Variants in UFC1 observed in about 807,000 individuals in gnomAD.
UFC1 encodes the protein ubiquitin-fold modifier conjugating enzyme 1.
Under a neutral mutation model 28.0 loss-of-function variants are expected in UFC1, and 22 were observed. The observed-to-expected ratio is 0.78, with a 90% confidence interval of 0.56 to 1.12. UFC1 has a LOEUF of 1.12. Ranked by LOEUF, UFC1 falls within the 50% of genes most tolerant of loss-of-function variation. The pLI, the probability that UFC1 is intolerant of heterozygous loss-of-function variation, is 0.00. For missense variants in UFC1, 189 were observed against 207.8 expected, an observed-to-expected ratio of 0.91 and a Z score of 0.56; for synonymous variants, 61 against 74.5, an observed-to-expected ratio of 0.82 and a Z score of 0.93.
chr1:161,158,338 T>C, intron 5 of UFC1, 74 bp from the exon 6 acceptor site: 1 of 1,596,978 alleles, frequency 6.3e-7, no homozygotes, highest in Non-Finnish European at 8.6e-7. Context: ...AGAATCTGTC[T>C]CCAGGAAGGA....
In UFC1 at chr1:161,157,654, C is replaced by T. The variant is rs777405918; in HGVS notation, c.293C>T (p.Ala98Val). 11 of 1,613,910 alleles carry T rather than the reference C, an allele frequency of 6.8e-6. No homozygotes were observed. The East Asian group carries it at 2.5e-4, about 36-fold the overall frequency. ...TATCCTACTACTGCCCCAGAAATTG[C>T]AGTTCCTGAGCTGGATGGAAAGACA... ...ITYPTTAPEI[A>V]VPELDGKTAK... is the part of the protein sequence containing the mutation. The change falls in exon 4 of 6, where the codon GCA (alanine) becomes GTA (valine). Residue 98 changes from alanine (A) to valine (V), a missense_variant. Transcript: ENST00000368003.
intron 2 of UFC1, 32 bp from the exon 3 acceptor site, chr1:161,157,222 C>T: frequency 6.2e-7 from 1 of 1,613,812 alleles, no homozygotes; most frequent in Non-Finnish European, 8.5e-7. Flanking sequence ...GAAGAATAGG[C>T]AAATTGGACT....
At chr1:161,158,030 G>A in intron 4 of UFC1, 91 bp from the exon 5 acceptor site, 1 of 1,145,042 alleles carries the variant, frequency 8.7e-7, no homozygotes. Context: ...TCTCAATTCT[G>A]ATCACTAGTA....
Position 161,154,100 on chromosome 1 carries a change from G to C in UFC1, c.103G>C (p.Glu35Gln). 1 of 1,614,086 alleles carries C rather than the reference G, an allele frequency of 6.2e-7. No individual in the cohort carries two copies. The highest frequency in any genetic ancestry group is 8.5e-7 in the Non-Finnish European group (1 of 1,180,026). ...RELWVQRLKE[E>Q]YQSLIRYVEN... ...GTTGTGGGTGCAGCGACTGAAGGAG[G>C]AATATCAGTCCCTTATCCGGGTTAG... Residue 35 changes from glutamate to glutamine, a missense_variant, in exon 1 of 6, where the codon GAA (glutamate) becomes CAA (glutamine). Coordinates refer to ENST00000368003, the MANE Select transcript of UFC1 (RefSeq NM_016406.4).
intron 1 of UFC1, among the ~76,000 whole-genome samples, chr1:161,156,672 T>C (rs1214911397): frequency 2.7e-5 from 4 of 149,482 alleles, no homozygotes; most frequent in Non-Finnish European, 3.0e-5. Flanking sequence ...CAAAACCCCG[T>C]CTCTACTAAA....
At chr1:161,155,629 G>A (rs150520276) in intron 1 of UFC1, among the ~76,000 whole-genome samples, 1 of 152,192 alleles carries the variant, frequency 6.6e-6, no homozygotes, top group African/African-American at 2.4e-5. Flanking sequence ...GAAACAAAAG[G>A]CAATCTAAAC....
chr1:161,154,458 C>A (rs1156668023), intron 1 of UFC1, among the ~76,000 whole-genome samples: 1 of 152,130 alleles, frequency 6.6e-6, no homozygotes, highest in African/African-American at 2.4e-5. Context: ...TCCCAGTCCG[C>A]ATCTCTCTGC....
Position 161,153,989 on chromosome 1 carries a change from T to G in UFC1, c.-9T>G. The G allele has an allele frequency of 6.2e-7, 1 of 1,614,088 alleles. No homozygotes were observed. The highest frequency in any genetic ancestry group is 8.5e-7 in the Non-Finnish European group (1 of 1,180,002). On this transcript the variant is annotated 5_prime_UTR_variant, in exon 1 of 6. Coordinates refer to ENST00000368003, the MANE Select transcript of UFC1 (RefSeq NM_016406.4). ...CCACTTCCGCGTTTCTCTTGCGCCC[T>G]GGTCCAAGATGGCGGATGAAGCCAC...
intron 4 of UFC1, 108 bp from the exon 5 acceptor site, chr1:161,158,013 A>G: frequency 1.0e-6 from 1 of 998,310 alleles, no homozygotes; most frequent in South Asian, 1.4e-5. Context: ...TACTTAGCTG[A>G]ACTTGTTCTC....
At chr1:161,158,348 A>G (rs1362659816) in intron 5 of UFC1, 64 bp from the exon 6 acceptor site, 4 of 1,595,254 alleles carry the variant, frequency 2.5e-6, no homozygotes, top group Non-Finnish European at 3.4e-6. Flanking sequence ...TCCAGGAAGG[A>G]GCTTCTAATG....
chr1:161,155,841 A>G (rs1374590361), intron 1 of UFC1, among the ~76,000 whole-genome samples: 3 of 152,222 alleles, frequency 2.0e-5, no homozygotes, highest in African/African-American at 7.2e-5. Flanking sequence ...AAGGAATATA[A>G]AAAATTCCAG....
intron 1 of UFC1, among the ~76,000 whole-genome samples, chr1:161,156,050 A>G (rs1235764117): frequency 6.6e-6 from 1 of 152,180 alleles, no homozygotes; most frequent in Admixed American, 6.5e-5. Context: ...CTATCATTAA[A>G]TGAGTTGTGG....
Position 161,158,687 on chromosome 1 carries a change from C to G in UFC1, c.*195C>G, listed in dbSNP as rs1657632538. ...CAGTACTGCTACTTAGTTTCTAAGG[C>G]TGCACAGGGAAGGGAAAGACTGGGC... On this transcript the variant is annotated 3_prime_UTR_variant, in exon 6 of 6. Coordinates refer to ENST00000368003, the MANE Select transcript of UFC1 (RefSeq NM_016406.4). 1.6e-6 allele frequency: 1 copy of G among 623,238 alleles called. No individual in the cohort carries two copies. Among genetic ancestry groups the G allele is most frequent in the Admixed American group, 2.6e-5 (1 of 38,004 alleles). 38.6% of individuals were successfully genotyped at this position (623,238 alleles called of 1,614,324 possible). A position where few individuals can be genotyped will look rare whatever the true frequency, so the allele number is the denominator to read the frequency against.
chr1:161,156,710 T>C (rs1657517194), intron 1 of UFC1, among the ~76,000 whole-genome samples: 1 of 151,764 alleles, frequency 6.6e-6, no homozygotes. Flanking sequence ...GGCATGGTGG[T>C]GCACGCCTGT....
intron 2 of UFC1, 69 bp from the exon 3 acceptor site, chr1:161,157,185 C>T: frequency 1.2e-6 from 2 of 1,603,138 alleles, no homozygotes; most frequent in Non-Finnish European, 1.7e-6. Flanking sequence ...GGCTGGTGGC[C>T]TAAGCCAAGA....
At chr1:161,157,500 G>A (rs1489241818) in intron 3 of UFC1, 117 bp from the exon 4 acceptor site, 4 of 1,255,026 alleles carry the variant, frequency 3.2e-6, no homozygotes, top group Non-Finnish European at 4.6e-6. Flanking sequence ...TGGTATGGAT[G>A]TGCTCCTTGG....
At chr1:161,154,981 C>G (rs771667464) in intron 1 of UFC1, among the ~76,000 whole-genome samples, 1 of 151,936 alleles carries the variant, frequency 6.6e-6, no homozygotes, top group Non-Finnish European at 1.5e-5. Flanking sequence ...GTTCTCCTAC[C>G]TCATGTATTC....
intron 1 of UFC1, among the ~76,000 whole-genome samples, chr1:161,154,782 C>A (rs1031750036): frequency 6.6e-6 from 1 of 152,164 alleles, no homozygotes; most frequent in Non-Finnish European, 1.5e-5. Context: ...AGCCACCGCG[C>A]CTGGCCTCAC....
chr1:161,154,027 G>C lies in UFC1; in HGVS notation c.30G>C (p.Val10=). 1 of 1,614,170 alleles carries C rather than the reference G, an allele frequency of 6.2e-7. No individual in the cohort carries two copies. Among genetic ancestry groups the C allele is most frequent in the Non-Finnish European group, 8.5e-7 (1 of 1,180,048 alleles). The change falls in exon 1 of 6, where the codon GTG becomes GTC. Residue 10 remains valine, a synonymous_variant. Coordinates refer to ENST00000368003, the MANE Select transcript of UFC1 (RefSeq NM_016406.4). The stretch of plus-strand genomic sequence containing the variant: ...CGGATGAAGCCACGCGACGTGTTGT[G>C]TCTGAGATCCCGGTGCTGAAGACTA... MADEATRRV[V]SEIPVLKTNA... is the part of the protein sequence containing the mutation.
Sources: allele counts gnomAD v4.1 joint callset (sites outside exome capture counted in the v4.1 genomes callset), GRCh38; gene constraint gnomAD v4.1.1; transcripts MANE v1.5; gene names NCBI Gene and HGNC (gene_info 2026-07-23, HGNC 2026-07-21).